Variants in SUSD2 observed in about 807,000 individuals in gnomAD.
The protein encoded by SUSD2 is sushi domain containing 2, also known as sushi domain-containing protein 2.
Under a neutral mutation model 93.8 loss-of-function variants are expected in SUSD2, and 86 were observed. The ratio of observed to expected loss-of-function variants is 0.92; its 90% confidence interval spans 0.77 to 1.10. The LOEUF is 1.10. SUSD2 is among the 50% of genes least tolerant of loss of function. The probability of loss-of-function intolerance (pLI) is 0.00; values close to 1 mark genes in which losing one functional copy is unlikely to be tolerated. For synonymous variants in SUSD2, 483 were observed against 485.0 expected (o/e 1.00, Z 0.05); for missense variants, 1,060 against 1,137.0 (o/e 0.93, Z 0.97).
chr22:24,184,143 C>T lies in SUSD2; in HGVS notation c.447C>T (p.Pro149=). 2 of 1,612,172 alleles carry T rather than the reference C, an allele frequency of 1.2e-6. No individual in the cohort carries two copies. The highest frequency in any genetic ancestry group is 1.7e-6 in the Non-Finnish European group (2 of 1,179,988). Residue 149 remains proline (P), a synonymous_variant, in exon 4 of 15, where the codon CCC becomes CCT. Coordinates refer to ENST00000358321, the MANE Select transcript of SUSD2 (RefSeq NM_019601.4). ...PRAGTWLAVH[P]NKVSMMEKSE... is the part of the protein sequence containing the mutation. The stretch of plus-strand genomic sequence containing the variant: ...CTCACCTCCCCTGCCCAGTGCACCC[C>T]AACAAAGTGTCAATGATGGAGAAGA...
rs1377177884 is a variant in SUSD2, at chr22:24,187,955, C to T, written c.2165-4C>T. 3 of 1,612,512 alleles carry T rather than the reference C, an allele frequency of 1.9e-6. No individual in the cohort carries two copies. The highest frequency in any genetic ancestry group is 1.7e-5 in the Admixed American group (1 of 59,974). ...CTGTTGTCTGCACTCTGTCCCCATCCCAGTGGTGTCCTGTGGCTGGCTGGC... is the reference window on the plus strand; with the variant it reads ...CTGTTGTCTGCACTCTGTCCCCATCTCAGTGGTGTCCTGTGGCTGGCTGGC... On this transcript the variant is annotated splice_region_variant and splice_polypyrimidine_tract_variant and intron_variant, in intron 12 of 14. Coordinates refer to ENST00000358321, the MANE Select transcript of SUSD2 (RefSeq NM_019601.4).
chr22:24,185,225 A>G lies in SUSD2; in HGVS notation c.914A>G (p.Asn305Ser), dbSNP rs145991442. 5.2e-5 allele frequency: 84 copies of G among 1,609,966 alleles called. No individual in the cohort carries two copies. In the African/African-American group the frequency reaches 1.0e-3, roughly 20 times the overall value. The change falls in exon 6 of 15, where the codon AAC (asparagine) becomes AGC (serine). Residue 305 changes from asparagine (N) to serine (S), a missense_variant. Physicochemically the swap from Asn to Ser is conservative, Grantham distance 46. Transcript: ENST00000358321. The stretch of plus-strand genomic sequence containing the variant: ...GAGGAGCTGGAGGATCAGCTGCCCA[A>G]CTTCCTGGAGGAGCTGCCGGACTGC... ...AWEELEDQLP[N>S]FLEELPDCPC...
At chr22:24,181,639 T>A (rs1284267196) in intron 1 of SUSD2, 44 bp downstream of exon 1, 1 of 1,470,286 alleles carries the variant, frequency 6.8e-7, no homozygotes, top group Admixed American at 2.0e-5. Context: ...TCTGTCCATC[T>A]GTCTGCAGCC....
chr22:24,184,168 A>G lies in SUSD2; in HGVS notation c.472A>G (p.Ser158Gly). 2 of 1,612,678 alleles carry G rather than the reference A, an allele frequency of 1.2e-6. No homozygotes were observed. Among genetic ancestry groups the G allele is most frequent in the Non-Finnish European group, 1.7e-6 (2 of 1,180,004 alleles). ...HPNKVSMMEK[S>G]ELVNETRWQY... The stretch of plus-strand genomic sequence containing the variant: ...CAACAAAGTGTCAATGATGGAGAAG[A>G]GCGAGTTGGTGAACGAGACGCGTTG... The change falls in exon 4 of 15, where the codon AGC becomes GGC. Residue 158 changes from serine (S) to glycine (G), a missense_variant. By Grantham distance (56) the Ser-to-Gly change is moderately conservative. Transcript: ENST00000358321.
In SUSD2 at chr22:24,188,480, A is replaced by G. The variant is rs1194419914; in HGVS notation, c.*44A>G. ...GAGCACCAGGCCAAGACTCCTGAGA[A>G]CAGGCAGCCCAGTCCTGCGACTCCC... On this transcript the variant is annotated 3_prime_UTR_variant, in exon 15 of 15. Coordinates refer to ENST00000358321, the MANE Select transcript of SUSD2 (RefSeq NM_019601.4). This position sits in a 1 kb window ranked among gnomAD's most constrained non-coding sequence, Gnocchi z 4.7. The G allele has an allele frequency of 1.9e-6, 3 of 1,595,740 alleles. No homozygotes were observed. Among genetic ancestry groups the G allele is most frequent in the Non-Finnish European group, 2.6e-6 (3 of 1,170,546 alleles).
chr22:24,187,459 C>T lies in SUSD2; in HGVS notation c.1891+9C>T. The T allele has an allele frequency of 6.2e-7, 1 of 1,612,616 alleles. No homozygotes were observed. The highest frequency in any genetic ancestry group is 2.2e-5 in the East Asian group (1 of 44,864). On this transcript the variant is annotated intron_variant, in intron 11 of 14. Transcript: ENST00000358321. Reference sequence around the variant, plus strand: ...CCTGTTTGGGGCCAACTGTGAGTGACCGTGGAGTATATGGGGCAGACGGGG... The same window carrying T: ...CCTGTTTGGGGCCAACTGTGAGTGATCGTGGAGTATATGGGGCAGACGGGG...
Position 24,185,592 on chromosome 22 carries a change from C to T in SUSD2, c.1070+21C>T, listed in dbSNP as rs781426100. On this transcript the variant is annotated intron_variant, in intron 7 of 14. Coordinates refer to ENST00000358321, the MANE Select transcript of SUSD2 (RefSeq NM_019601.4). ...GCCAGGTGAGCCCCCAGGCTGGGGC[C>T]GGTATGGGGATTGGGGTCAGGGGTG... The T allele has an allele frequency of 5.0e-6, 8 of 1,598,630 alleles. No individual in the cohort carries two copies. In the East Asian group the frequency reaches 6.8e-5, roughly 14 times the overall value.
At chr22:24,186,611 C>T (rs527618085) in intron 10 of SUSD2, 196 bp downstream of exon 10, 11 of 641,328 alleles carry the variant, frequency 1.7e-5, no homozygotes, top group African/African-American at 1.1e-4. Flanking sequence ...GAGGCCGTGA[C>T]GGTGGGACAT....
intron 1 of SUSD2, chr22:24,182,817 G>A (rs188814631): frequency 9.6e-5 from 51 of 529,510 alleles, no homozygotes; most frequent in East Asian, 6.4e-4. Context: ...GCCTCTTCTC[G>A]CTGCATTCTA....
rs2047338612 is a variant in SUSD2 at position 24,183,473 on chromosome 22, C to G, written c.288-22C>G. Reference sequence around the variant, plus strand: ...CTCAGCCTGCAATGACCCAGCCCCTCCCACCACCACCACGCCCACAGGTTT... The same window carrying G: ...CTCAGCCTGCAATGACCCAGCCCCTGCCACCACCACCACGCCCACAGGTTT... On this transcript the variant is annotated intron_variant, in intron 2 of 14. Coordinates refer to ENST00000358321, the MANE Select transcript of SUSD2 (RefSeq NM_019601.4). 3 of 1,602,540 alleles carry G rather than the reference C, an allele frequency of 1.9e-6. No individual in the cohort carries two copies. The East Asian group carries it at 6.7e-5, about 36-fold the overall frequency.
intron 3 of SUSD2, 140 bp from the exon 4 acceptor site, chr22:24,183,996 G>A (rs1424605241): frequency 3.6e-6 from 3 of 830,370 alleles, no homozygotes; most frequent in Non-Finnish European, 3.7e-6. Context: ...GTCCTTTTCT[G>A]CTGTGCGGGC....
rs1480005479 is a variant in SUSD2 at position 24,185,799 on chromosome 22, G to A, written c.1209G>A (p.Val403=). 5 of 1,610,484 alleles carry A rather than the reference G, an allele frequency of 3.1e-6. No individual in the cohort carries two copies. The highest frequency in any genetic ancestry group is 4.2e-6 in the Non-Finnish European group (5 of 1,178,892). The change falls in exon 8 of 15, where the codon GTG becomes GTA. Residue 403 remains valine (V), a synonymous_variant. Coordinates refer to ENST00000358321, the MANE Select transcript of SUSD2 (RefSeq NM_019601.4). The part of the protein sequence containing the change: ...GAPPFRTPPR[V]PSMSHWLYDV... Reference sequence around the variant, plus strand: ...CCCCGTTCCGCACGCCACCCCGAGTGCCCAGCATGTCCCACTGGCTCTACG... The same window carrying A: ...CCCCGTTCCGCACGCCACCCCGAGTACCCAGCATGTCCCACTGGCTCTACG...
chr22:24,186,251 C>A lies in SUSD2; in HGVS notation c.1484-6C>A, dbSNP rs1374873696. 1.9e-6 allele frequency: 3 copies of A among 1,612,800 alleles called. No individual in the cohort carries two copies. The highest frequency in any genetic ancestry group is 4.5e-5 in the East Asian group (2 of 44,882). Reference sequence around the variant, plus strand: ...AGTGGCTCCCGTTCTGCTCCCACCACCGCAGGCACGGAGACCCGTGGCACT... The same window carrying A: ...AGTGGCTCCCGTTCTGCTCCCACCAACGCAGGCACGGAGACCCGTGGCACT... On this transcript the variant is annotated splice_region_variant and splice_polypyrimidine_tract_variant and intron_variant, in intron 9 of 14. Transcript: ENST00000358321.
At position 24,188,428 on chromosome 22, in the gene SUSD2, C is replaced by T; in HGVS notation, c.2461C>T (p.Gln821Ter). 3.1e-6 allele frequency: 5 copies of T among 1,610,862 alleles called. No homozygotes were observed. The highest frequency in any genetic ancestry group is 4.2e-6 in the Non-Finnish European group (5 of 1,179,804). The part of the protein sequence containing the change: ...RKGNTHVWGA[Q>*]P Reference sequence around the variant, plus strand: ...CTGTTGCAGGCACGTCTGGGGTGCACAGCCCTGATGGGAGCAGCTTGGCTG... The same window carrying T: ...CTGTTGCAGGCACGTCTGGGGTGCATAGCCCTGATGGGAGCAGCTTGGCTG... Residue 821 changes from glutamine to a stop codon, truncating the protein, a stop_gained, in exon 15 of 15, where the codon CAG (glutamine) becomes TAG (stop). Transcript: ENST00000358321. LOFTEE classifies it high-confidence loss of function. The surrounding 1 kb of genome is among the most constrained non-coding windows in gnomAD (Gnocchi z 4.7).
chr22:24,186,167 CA>C lies in SUSD2; in HGVS notation c.1483+9del, dbSNP rs773750087. ...CCGGGACGATGTCCAACGGTGAGGC[CA>C]GGGCTAGGGGCTGCTCTGGTTGGCA... On this transcript the variant is annotated intron_variant, in intron 9 of 14. Coordinates refer to ENST00000358321, the MANE Select transcript of SUSD2 (RefSeq NM_019601.4). The C allele has an allele frequency of 6.2e-7, 1 of 1,608,550 alleles. No homozygotes were observed. Among genetic ancestry groups the C allele is most frequent in the African/African-American group, 1.3e-5 (1 of 75,008 alleles).
rs1395770584 is a variant in SUSD2, at chr22:24,188,278, G to A, written c.2395G>A (p.Ala799Thr). 6.2e-7 allele frequency: 1 copy of A among 1,604,676 alleles called. No homozygotes were observed. The highest frequency in any genetic ancestry group is 1.1e-5 in the South Asian group (1 of 90,618). Residue 799 changes from alanine (A) to threonine (T), a missense_variant, in exon 14 of 15, where the codon GCG (alanine) becomes ACG (threonine). Ala to Thr is a moderately conservative substitution (Grantham distance 58). Around this residue, in one of 2 missense-constraint regions of SUSD2, gnomAD observed 973 missense variants for 1,005.3 expected, o/e 0.97. Coordinates refer to ENST00000358321, the MANE Select transcript of SUSD2 (RefSeq NM_019601.4). This position sits in a 1 kb window ranked among gnomAD's most constrained non-coding sequence, Gnocchi z 4.7. ...GIIFGGLAVVAAVALVYVLLR... is the reference protein window; with the variant it reads ...GIIFGGLAVVTAVALVYVLLR... ...CATCTTTGGGGGCCTCGCGGTGGTG[G>A]CGGCGGTTGCGCTCGTCTATGTGCT...
rs374737766 is a variant in SUSD2 at position 24,185,998 on chromosome 22, C to A, written c.1340-18C>A. On this transcript the variant is annotated intron_variant, in intron 8 of 14. Transcript: ENST00000358321. ...GGGCTGGGGTGCACCCCCACGTGAC[C>A]CTCCACTCTCACCCTAGCCTCCGCC... is the stretch of plus-strand genomic sequence containing the variant. The A allele has an allele frequency of 1.3e-6, 2 of 1,596,312 alleles. No homozygotes were observed. The highest frequency in any genetic ancestry group is 1.3e-5 in the African/African-American group (1 of 74,830).
At chr22:24,186,901 C>T (rs2047370061) in intron 10 of SUSD2, 1 of 511,968 alleles carries the variant, frequency 2.0e-6, no homozygotes, top group Non-Finnish European at 3.6e-6. Flanking sequence ...TTCAGGGACC[C>T]TCGGGACGTG....
intron 10 of SUSD2, 22 bp from the exon 11 acceptor site, chr22:24,187,180 A>G (rs1168019535): frequency 1.2e-6 from 2 of 1,606,962 alleles, no homozygotes; most frequent in Non-Finnish European, 1.7e-6. Context: ...GGGTGACCCT[A>G]ATGCATCCCC....
Sources: gnomAD v4.1 joint callset for allele counts on GRCh38, gnomAD v4.1.1 for gene constraint, gnomAD v4.1.1 regional missense constraint, Gnocchi (gnomAD v3.1) non-coding constraint, MANE v1.5 for transcripts, NCBI Gene and HGNC (gene_info 2026-07-23, HGNC 2026-07-21) for gene names.